Variants in LYG1 observed in about 807,000 individuals in gnomAD.
LYG1 encodes lysozyme g1.
A neutral mutation model predicts 21.7 loss-of-function variants in LYG1; 17 were observed. That is an observed-to-expected ratio of 0.78 (90% confidence interval 0.54 to 1.18). LYG1 has a LOEUF of 1.18. LYG1 is among the 50% of genes most tolerant of loss of function. The pLI, the probability that LYG1 is intolerant of heterozygous loss-of-function variation, is 0.00. For synonymous variants in LYG1, 81 were observed against 87.4 expected (o/e 0.93, Z 0.41); for missense variants, 211 against 238.1 (o/e 0.89, Z 0.75).
chr2:99,296,760 A>G (rs1285561355), intron 2 of LYG1, among the ~76,000 whole-genome samples: 1 of 152,150 alleles, frequency 6.6e-6, no homozygotes, highest in African/African-American at 2.4e-5. Flanking sequence ...GTACTTTCAT[A>G]ATGCTTCTCT....
chr2:99,295,577 T>A (rs1310594154), intron 3 of LYG1, 51 bp downstream of exon 3: 2 of 1,600,730 alleles, frequency 1.2e-6, no homozygotes, highest in Admixed American at 1.7e-5. Flanking sequence ...TGTGTTCCTG[T>A]GCTTATCCTT....
intron 3 of LYG1, among the ~76,000 whole-genome samples, chr2:99,293,936 T>A (rs750780714): frequency 2.6e-5 from 4 of 151,924 alleles, no homozygotes; most frequent in Non-Finnish European, 4.4e-5. Context: ...TTAATTAATT[T>A]ATCTATAGAC....
At chr2:99,293,149 G>A (rs994206220) in intron 3 of LYG1, among the ~76,000 whole-genome samples, 21 of 151,976 alleles carry the variant, frequency 1.4e-4, no homozygotes, top group African/African-American at 4.8e-4. Flanking sequence ...ATGCCACCAC[G>A]CCCAGCTAAT....
rs1559219939 is a variant in LYG1 at position 99,291,221 on chromosome 2, A to G, written c.333+16T>C. 6.2e-7 allele frequency: 1 copy of G among 1,610,744 alleles called. No homozygotes were observed. Among genetic ancestry groups the G allele is most frequent in the Non-Finnish European group, 8.5e-7 (1 of 1,177,870 alleles). On this transcript the variant is annotated intron_variant, in intron 5 of 6. Transcript: ENST00000308528. The stretch of plus-strand genomic sequence containing the variant: ...CATAGCAGAATGGCCACATGTGTCA[A>G]CGGATGAAGAGTTACCTGCACCATG...
chr2:99,304,111 G>A (rs1453175088), upstream of LYG1, among the ~76,000 whole-genome samples: 1 of 152,082 alleles, frequency 6.6e-6, no homozygotes, highest in African/African-American at 2.4e-5. Flanking sequence ...TGAGATTTGG[G>A]AGGGGTCAGA....
intron 1 of LYG1, among the ~76,000 whole-genome samples, chr2:99,300,511 T>C (rs1357892535): frequency 3.9e-5 from 6 of 152,256 alleles, no homozygotes; most frequent in African/African-American, 1.4e-4. Flanking sequence ...TCTGTCTTTT[T>C]AGTCTGTTAG....
At chr2:99,286,581 G>T (rs2094100357) in intron 5 of LYG1, among the ~76,000 whole-genome samples, 1 of 152,084 alleles carries the variant, frequency 6.6e-6, no homozygotes, top group African/African-American at 2.4e-5. Context: ...GTGGGCGCCT[G>T]TAATCCCAGC....
intron 4 of LYG1, 128 bp from the exon 5 acceptor site, chr2:99,291,549 G>C (rs968518815): frequency 6.8e-5 from 75 of 1,104,968 alleles, no homozygotes; most frequent in Non-Finnish European, 9.6e-5. Flanking sequence ...CCAGATTTTG[G>C]TCTTAAATCT....
intron 3 of LYG1, among the ~76,000 whole-genome samples, chr2:99,295,179 A>G (rs1330519978): frequency 6.6e-6 from 1 of 152,232 alleles, no homozygotes; most frequent in Non-Finnish European, 1.5e-5. Context: ...CTGAAGTTCA[A>G]TCACAGCAAC....
chr2:99,287,599 A>G (rs1559217829), intron 5 of LYG1, among the ~76,000 whole-genome samples: 1 of 152,016 alleles, frequency 6.6e-6, no homozygotes, highest in Non-Finnish European at 1.5e-5. Flanking sequence ...CATTTTTACC[A>G]TATCTCATAG....
intron 2 of LYG1, among the ~76,000 whole-genome samples, chr2:99,295,960 A>G (rs1215488969): frequency 6.6e-6 from 1 of 152,090 alleles, no homozygotes; most frequent in Non-Finnish European, 1.5e-5. Flanking sequence ...GTTACTAACT[A>G]CTTTATTTCA....
intron 2 of LYG1, 115 bp from the exon 3 acceptor site, chr2:99,295,817 A>C: frequency 2.0e-6 from 2 of 982,234 alleles, no homozygotes; most frequent in Non-Finnish European, 3.1e-6. Context: ...TATCTGACCT[A>C]AGAAAATGAA....
chr2:99,298,497 G>A lies in LYG1; in HGVS notation c.-71C>T, dbSNP rs1348828358. 1 of 152,222 alleles carries A rather than the reference G, an allele frequency of 6.6e-6. No individual in the cohort carries two copies. The highest frequency in any genetic ancestry group is 1.5e-5 in the Non-Finnish European group (1 of 68,050). The allele number at this position is 152,222 out of a possible 1,614,324, so 9.4% of individuals were successfully genotyped here. A position where few individuals can be genotyped will look rare whatever the true frequency, so the allele number is the denominator to read the frequency against. ...AGTACTTTGGAATTCCCAAAGCACT[G>A]TGTAAGTTTGTAAGGCATAATGGAC... On this transcript the variant is annotated 5_prime_UTR_variant, in exon 2 of 7. It introduces an in-frame stop codon into an upstream open reading frame of the 5' UTR. Transcript: ENST00000308528.
chr2:99,295,026 C>T (rs546009616), intron 3 of LYG1, among the ~76,000 whole-genome samples: 3 of 152,102 alleles, frequency 2.0e-5, no homozygotes, highest in East Asian at 3.9e-4. Context: ...CGCTTGAAAC[C>T]GGAAGGCAGA....
chr2:99,284,325 G>T lies in LYG1; in HGVS notation c.*68C>A. The T allele has an allele frequency of 7.3e-7, 1 of 1,360,934 alleles. No individual in the cohort carries two copies. Among genetic ancestry groups the T allele is most frequent in the Non-Finnish European group, 1.0e-6 (1 of 965,792 alleles). The allele number at this position is 1,360,934 out of a possible 1,614,324, so 84.3% of individuals were successfully genotyped here. ...CAGATTCCCAGTTACAGGTGCCCTT[G>T]GCTAGTTTTATCTGTGTAACATTTG... On this transcript the variant is annotated 3_prime_UTR_variant, in exon 7 of 7. Transcript: ENST00000308528.
chr2:99,289,949 C>T (rs908557854), intron 5 of LYG1, among the ~76,000 whole-genome samples: 1 of 151,986 alleles, frequency 6.6e-6, no homozygotes. Flanking sequence ...ACCTCTACCC[C>T]CCAGGTTCAA....
Position 99,284,844 on chromosome 2 carries a change from A to C in LYG1, c.334-24T>G, listed in dbSNP as rs780757499. 10 of 1,609,906 alleles carry C rather than the reference A, an allele frequency of 6.2e-6. No individual in the cohort carries two copies. The South Asian group carries it at 1.1e-4, about 18-fold the overall frequency. On this transcript the variant is annotated intron_variant, in intron 5 of 6. Coordinates refer to ENST00000308528, the MANE Select transcript of LYG1 (RefSeq NM_174898.3). ...TCCTGCAGGGAAGGAGGCAGAGAAG[A>C]AGCCACGTAAGCTGGGTGGGAGGGT...
intron 1 of LYG1, among the ~76,000 whole-genome samples, chr2:99,299,591 A>AT (rs1181817331): frequency 1.9e-4 from 29 of 151,436 alleles, no homozygotes; most frequent in Non-Finnish European, 1.2e-4. Flanking sequence ...CGCCCAGCTA[A>AT]TTTTTGTATT....
Position 99,292,729 on chromosome 2 carries a change from CA to C in LYG1, c.44-90del, listed in dbSNP as rs2094123797. 4.9e-6 allele frequency: 4 copies of C among 817,484 alleles called. No homozygotes were observed. In the East Asian group the frequency reaches 1.0e-4, roughly 21 times the overall value. 50.6% of individuals were successfully genotyped at this position (817,484 alleles called of 1,614,324 possible). A position where few individuals can be genotyped will look rare whatever the true frequency, so the allele number is the denominator to read the frequency against. On this transcript the variant is annotated intron_variant, in intron 3 of 6. Transcript: ENST00000308528. Reference sequence around the variant, plus strand: ...AATAAAATTACATTAATAAAAGTAACAATAATAAAATCCATTACATCACCTT... The same window carrying C: ...AATAAAATTACATTAATAAAAGTAACATAATAAAATCCATTACATCACCTT...
Sources: gnomAD v4.1 joint callset for allele counts (sites outside exome capture counted in the v4.1 genomes callset) on GRCh38, gnomAD v4.1.1 for gene constraint, MANE v1.5 for transcripts, NCBI Gene and HGNC (gene_info 2026-07-23, HGNC 2026-07-21) for gene names.